Variants in PTPN7 observed in about 807,000 individuals in gnomAD.
The protein encoded by PTPN7 is protein tyrosine phosphatase non-receptor type 7.
A neutral mutation model predicts 50.3 loss-of-function variants in PTPN7; 33 were observed. The observed-to-expected ratio is 0.66, with a 90% CI of 0.50 to 0.88. The LOEUF (loss-of-function observed/expected upper bound fraction) is 0.88, where lower values mean the gene tolerates loss of function less well. Ranked by LOEUF, PTPN7 falls within the 40% of genes least tolerant of loss-of-function variation. PTPN7 has a pLI of 0.00. For synonymous variants in PTPN7, 185 were observed against 186.6 expected (o/e 0.99, Z 0.07); for missense variants, 412 against 475.4 (o/e 0.87, Z 1.24).
In PTPN7 at chr1:202,152,489, G is replaced by A; in HGVS notation, c.875+53C>T. The A allele has an allele frequency of 3.2e-6, 5 of 1,581,728 alleles. No homozygotes were observed. The East Asian group carries it at 9.0e-5, about 28-fold the overall frequency. On this transcript the variant is annotated intron_variant, in intron 8 of 9. Transcript: ENST00000691036. Reference sequence around the variant, plus strand: ...ACCCTTCCCCAGGAGAGACCCAGGGGGCAGGGGAGGGGAGCACAGTCCACA... The same window carrying A: ...ACCCTTCCCCAGGAGAGACCCAGGGAGCAGGGGAGGGGAGCACAGTCCACA...
In PTPN7 at chr1:202,159,751, G is replaced by C; in HGVS notation, c.-52-297C>G. On this transcript the variant is annotated intron_variant, in intron 1 of 9. Coordinates refer to ENST00000691036, the MANE Select transcript of PTPN7 (RefSeq NM_002832.4). This position sits in a 1 kb window ranked among gnomAD's most constrained non-coding sequence, Gnocchi z 4.6. Reference sequence around the variant, plus strand: ...GAGGCCACACACCAGAGTACACAGGGCTCTGAGCAGGTCCAAGTGGGAGAA... The same window carrying C: ...GAGGCCACACACCAGAGTACACAGGCCTCTGAGCAGGTCCAAGTGGGAGAA... The C allele has an allele frequency of 3.1e-6, 4 of 1,301,468 alleles. No homozygotes were observed. The highest frequency in any genetic ancestry group is 1.5e-5 in the African/African-American group (1 of 67,472). The allele number at this position is 1,301,468 out of a possible 1,614,324, so 80.6% of individuals were successfully genotyped here.
chr1:202,155,397 G>T, intron 5 of PTPN7, 136 bp downstream of exon 5: 1 of 848,804 alleles, frequency 1.2e-6, no homozygotes, highest in Non-Finnish European at 1.9e-6. Context: ...AGCTTGGTAG[G>T]GCTATGACAG....
chr1:202,159,888 T>C lies in PTPN7; in HGVS notation c.-52-434A>G, dbSNP rs1657158779. On this transcript the variant is annotated intron_variant, in intron 1 of 9. Coordinates refer to ENST00000691036, the MANE Select transcript of PTPN7 (RefSeq NM_002832.4). The surrounding 1 kb of genome is among the most constrained non-coding windows in gnomAD (Gnocchi z 4.6). ...TTCCCCTGAACAGAGAATGGAGGCC[T>C]CCAGCAGTGTTGGAGCTGGTTGGGC... The C allele has an allele frequency of 9.8e-7, 1 of 1,024,100 alleles. No individual in the cohort carries two copies. 63.4% of individuals were successfully genotyped at this position (1,024,100 alleles called of 1,614,324 possible).
intron 7 of PTPN7, 38 bp from the exon 8 acceptor site, chr1:202,152,737 T>G (rs1465069950): frequency 3.1e-6 from 5 of 1,603,454 alleles, no homozygotes; most frequent in Non-Finnish European, 4.3e-6. Flanking sequence ...AAGGTCAGGG[T>G]GGAGGGCACT....
In PTPN7 at chr1:202,147,195, C is replaced by T. The variant is rs1178202917; in HGVS notation, c.*1411G>A. 1 of 152,040 alleles carries T rather than the reference C, an allele frequency of 6.6e-6. No individual in the cohort carries two copies. The highest frequency in any genetic ancestry group is 2.1e-4 in the South Asian group (1 of 4,818). 9.4% of individuals were successfully genotyped at this position (152,040 alleles called of 1,614,324 possible). ...GATCAGGCACTTGAGAGCCCCCCAC[C>T]GAGCCTCATTGGCATAGACAGTCGT... On this transcript the variant is annotated 3_prime_UTR_variant, in exon 10 of 10. Coordinates refer to ENST00000691036, the MANE Select transcript of PTPN7 (RefSeq NM_002832.4).
rs1371788783 is a variant in PTPN7, at chr1:202,147,403, A to C, written c.*1203T>G. 1 of 151,754 alleles carries C rather than the reference A, an allele frequency of 6.6e-6. No individual in the cohort carries two copies. Among genetic ancestry groups the C allele is most frequent in the Non-Finnish European group, 1.5e-5 (1 of 67,944 alleles). The allele number at this position is 151,754 out of a possible 1,614,324, so 9.4% of individuals were successfully genotyped here. On this transcript the variant is annotated 3_prime_UTR_variant, in exon 10 of 10. Coordinates refer to ENST00000691036, the MANE Select transcript of PTPN7 (RefSeq NM_002832.4). ...GAGGCCCAGCTGTTCTCCAGATCCA[A>C]CTCCTCGGGGGTTTCCACAGAGAGC...
At chr1:202,161,365 G>A, upstream of PTPN7, 1 of 1,233,454 alleles carries the variant, frequency 8.1e-7, no homozygotes, top group Non-Finnish European at 1.0e-6. Context: ...CCAGAACCCT[G>A]ACATCTACTT....
In PTPN7 at chr1:202,159,148, C is replaced by T; in HGVS notation, c.122+133G>A. On this transcript the variant is annotated intron_variant, in intron 2 of 9. Transcript: ENST00000691036. The surrounding 1 kb of genome is among the most constrained non-coding windows in gnomAD (Gnocchi z 4.6). Reference sequence around the variant, plus strand: ...CATGCAAATGAGCACTACTGGTTTCCTTTCCAAATTGGAGTCAACAACTGA... The same window carrying T: ...CATGCAAATGAGCACTACTGGTTTCTTTTCCAAATTGGAGTCAACAACTGA... The T allele has an allele frequency of 1.2e-6, 1 of 826,750 alleles. No individual in the cohort carries two copies. Among genetic ancestry groups the T allele is most frequent in the South Asian group, 1.6e-5 (1 of 61,194 alleles). The allele number at this position is 826,750 out of a possible 1,614,324, so 51.2% of individuals were successfully genotyped here.
chr1:202,157,999 T>C, intron 3 of PTPN7, 119 bp downstream of exon 3: 2 of 1,362,804 alleles, frequency 1.5e-6, no homozygotes, highest in Non-Finnish European at 2.0e-6. Context: ...GCCCTGAAGT[T>C]CTCTTTCCTA....
rs367649582 is a variant in PTPN7, at chr1:202,155,487, G to A, written c.468+46C>T. The A allele has an allele frequency of 4.7e-6, 7 of 1,502,362 alleles. No homozygotes were observed. In the Admixed American group the frequency reaches 8.4e-5, roughly 18 times the overall value. 93.1% of individuals were successfully genotyped at this position (1,502,362 alleles called of 1,614,324 possible). ...GGCTGGAAGATATTCTCAGACGTCTGAGAATTCCCCCATTCCCCGCCCACC... is the reference window on the plus strand; with the variant it reads ...GGCTGGAAGATATTCTCAGACGTCTAAGAATTCCCCCATTCCCCGCCCACC... On this transcript the variant is annotated intron_variant, in intron 5 of 9. Transcript: ENST00000691036.
At chr1:202,155,017 G>A (rs1032346708) in intron 5 of PTPN7, among the ~76,000 whole-genome samples, 12 of 152,172 alleles carry the variant, frequency 7.9e-5, no homozygotes, top group Admixed American at 2.0e-4. Context: ...ACTAGAGAGC[G>A]CTGCTTTTAC....
At position 202,152,410 on chromosome 1, in the gene PTPN7, C is replaced by T; in HGVS notation, c.875+132G>A. ...AAGAACAGAGCCCTTGCTGAATGGCCTTGCGAGTCATGTCTGAGTAAGGAC... is the reference window on the plus strand; with the variant it reads ...AAGAACAGAGCCCTTGCTGAATGGCTTTGCGAGTCATGTCTGAGTAAGGAC... On this transcript the variant is annotated intron_variant, in intron 8 of 9. Coordinates refer to ENST00000691036, the MANE Select transcript of PTPN7 (RefSeq NM_002832.4). The T allele has an allele frequency of 2.7e-6, 3 of 1,124,538 alleles. No individual in the cohort carries two copies. The South Asian group carries it at 5.0e-5, about 19-fold the overall frequency. 69.7% of individuals were successfully genotyped at this position (1,124,538 alleles called of 1,614,324 possible). A position where few individuals can be genotyped will look rare whatever the true frequency, so the allele number is the denominator to read the frequency against.
intron 8 of PTPN7, among the ~76,000 whole-genome samples, chr1:202,151,924 G>A (rs934727165): frequency 6.6e-6 from 1 of 152,076 alleles, no homozygotes; most frequent in Admixed American, 6.6e-5. Context: ...ACAAAAATAG[G>A]TTTTCCTTTT....
chr1:202,152,657 C>T lies in PTPN7; in HGVS notation c.760G>A (p.Ala254Thr). Residue 254 changes from alanine to threonine, a missense_variant, in exon 8 of 10, where the codon GCC (alanine) becomes ACC (threonine). Physicochemically the swap from Ala to Thr is moderately conservative, Grantham distance 58 (BLOSUM62 0). Coordinates refer to ENST00000691036, the MANE Select transcript of PTPN7 (RefSeq NM_002832.4). Reference protein sequence around the residue: ...RRSVKHILFSAWPDHQTPESA... With the variant: ...RRSVKHILFSTWPDHQTPESA... ...TCTGGTGTCTGATGGTCTGGCCAGGCCGAAAAGAGGATGTGCTTTACTGAC... is the reference window on the plus strand; with the variant it reads ...TCTGGTGTCTGATGGTCTGGCCAGGTCGAAAAGAGGATGTGCTTTACTGAC... 1 of 1,613,978 alleles carries T rather than the reference C, an allele frequency of 6.2e-7. No homozygotes were observed. Among genetic ancestry groups the T allele is most frequent in the East Asian group, 2.2e-5 (1 of 44,876 alleles).
At position 202,148,568 on chromosome 1, in the gene PTPN7, G is replaced by A. The variant is rs1468979099; in HGVS notation, c.*38C>T. ...CCCAGACCCACCTTCCCAGGCTTGA[G>A]GGAGGTAGGCACCTGGGCCACCGGA... On this transcript the variant is annotated 3_prime_UTR_variant, in exon 10 of 10. Coordinates refer to ENST00000691036, the MANE Select transcript of PTPN7 (RefSeq NM_002832.4). 1.9e-6 allele frequency: 3 copies of A among 1,579,928 alleles called. No individual in the cohort carries two copies. The South Asian group carries it at 3.3e-5, about 18-fold the overall frequency.
chr1:202,154,373 C>A (rs377478553), intron 5 of PTPN7, 50 bp from the exon 6 acceptor site: 1 of 1,570,354 alleles, frequency 6.4e-7, no homozygotes, highest in African/African-American at 1.3e-5. Flanking sequence ...GAGAGCAGAG[C>A]TCTGGGGAGA....
chr1:202,154,144 G>T (rs763015064), intron 6 of PTPN7, 42 bp downstream of exon 6: 8 of 1,612,284 alleles, frequency 5.0e-6, no homozygotes, highest in Non-Finnish European at 6.8e-6. Flanking sequence ...GGTGGGCATA[G>T]CACTTTCTGG....
At chr1:202,156,145 A>G (rs575122280) in intron 4 of PTPN7, among the ~76,000 whole-genome samples, 1 of 152,326 alleles carries the variant, frequency 6.6e-6, no homozygotes, top group Admixed American at 6.5e-5. Context: ...TGACATGATC[A>G]AAACAATAGT....
chr1:202,150,273 G>A (rs372300563), intron 9 of PTPN7, 38 bp downstream of exon 9: 15 of 1,523,614 alleles, frequency 9.8e-6, no homozygotes, highest in African/African-American at 4.1e-5. Context: ...GATGCCATCC[G>A]TTAACGTTGT....
Sources: allele counts gnomAD v4.1 joint callset (sites outside exome capture counted in the v4.1 genomes callset), GRCh38; gene constraint gnomAD v4.1.1; non-coding constraint Gnocchi (gnomAD v3.1); transcripts MANE v1.5; gene names NCBI Gene and HGNC (gene_info 2026-07-23, HGNC 2026-07-21).